Variants in EVL observed in about 807,000 individuals in gnomAD.
The protein encoded by EVL is ena/VASP-like protein.
EVL carries 21 observed loss-of-function variants against 59.6 expected under a neutral mutation model. The ratio of observed to expected loss-of-function variants is 0.35; its 90% confidence interval spans 0.25 to 0.51. The LOEUF is 0.51. EVL is among the 20% of genes least tolerant of loss of function. The pLI, the probability that EVL is intolerant of heterozygous loss-of-function variation, is 0.97. For synonymous variants in EVL, 198 were observed against 203.5 expected (o/e 0.97, Z 0.23); for missense variants, 462 against 546.6 (o/e 0.85, Z 1.54).
At position 100,129,544 on chromosome 14, in the gene EVL, C is replaced by T. The variant is rs758331510; in HGVS notation, c.718-19C>T. 10 of 1,612,634 alleles carry T rather than the reference C, an allele frequency of 6.2e-6. No homozygotes were observed. Among genetic ancestry groups the T allele is most frequent in the South Asian group, 3.3e-5 (3 of 91,000 alleles). ...GCCATCAGCAGCAGAATCTAAAACG[C>T]GGCCTCCTTTTTCCTCAGCCAGAAG... On this transcript the variant is annotated intron_variant, in intron 6 of 13. Coordinates refer to ENST00000392920, the MANE Select transcript of EVL (RefSeq NM_016337.3).
chr14:100,074,033 A>G (rs1023568188), intron 1 of EVL, among the ~76,000 whole-genome samples: 41 of 151,950 alleles, frequency 2.7e-4, no homozygotes, highest in African/African-American at 9.7e-4. Context: ...GTCGGGGAGC[A>G]GTGTGAGTAG....
At chr14:100,096,067 G>T (rs1425934517) in intron 2 of EVL, among the ~76,000 whole-genome samples, 1 of 152,086 alleles carries the variant, frequency 6.6e-6, no homozygotes, top group Non-Finnish European at 1.5e-5. Context: ...TACTGTGTGT[G>T]TGTCCCCTCT....
chr14:100,143,632 G>A (rs1040134560), intron 13 of EVL, 69 bp from the exon 14 acceptor site: 54 of 1,593,300 alleles, frequency 3.4e-5, no homozygotes, highest in East Asian at 1.3e-4. Context: ...CCAGGGGTGC[G>A]GGGCCCTGAT....
At chr14:100,135,792 A>G (rs1260677720) in intron 8 of EVL, 113 bp from the exon 9 acceptor site, 1 of 905,232 alleles carries the variant, frequency 1.1e-6, no homozygotes, top group Non-Finnish European at 1.8e-6. Flanking sequence ...TATAAAAGTC[A>G]TATGTGTTCA....
At chr14:100,120,289 GC>G (rs1354124606) in intron 3 of EVL, among the ~76,000 whole-genome samples, 2 of 152,174 alleles carry the variant, frequency 1.3e-5, no homozygotes, top group Non-Finnish European at 2.9e-5. Flanking sequence ...GTGAGCTTGA[GC>G]CCCCTCTCCC....
intron 1 of EVL, among the ~76,000 whole-genome samples, chr14:100,033,981 T>A (rs2061350829): frequency 6.6e-6 from 1 of 151,698 alleles, no homozygotes; most frequent in East Asian, 1.9e-4. Flanking sequence ...ATCCCAGAAC[T>A]TCAGGAGGCC....
chr14:100,003,415 A>T (rs904126642), intron 1 of EVL, among the ~76,000 whole-genome samples: 13 of 151,920 alleles, frequency 8.6e-5, no homozygotes, highest in African/African-American at 3.1e-4. Context: ...ATTATTTTTT[A>T]TTTTTATTTT....
At chr14:100,062,137 C>T (rs1211131272), upstream of EVL, among the ~76,000 whole-genome samples, 1 of 150,014 alleles carries the variant, frequency 6.7e-6, no homozygotes, top group African/African-American at 2.5e-5. Flanking sequence ...GACCACATCT[C>T]AAAAAAAGAA....
rs762378972 is a variant in EVL, at chr14:100,128,786, G to C, written c.717+38G>C. On this transcript the variant is annotated intron_variant, in intron 6 of 13. Transcript: ENST00000392920. ...GTGTGCGGGGTGGGAATGGGACCGA[G>C]GGGACCCTTGTGCCATCTGCAGAGC... 1.7e-5 allele frequency: 26 copies of C among 1,559,500 alleles called. No individual in the cohort carries two copies. In the East Asian group the frequency reaches 4.0e-4, roughly 24 times the overall value.
chr14:100,061,937 G>GCTGT (rs2061841943), upstream of EVL, among the ~76,000 whole-genome samples: 2 of 152,106 alleles, frequency 1.3e-5, no homozygotes, highest in East Asian at 3.9e-4. Context: ...GGTTGGTCTT[G>GCTGT]CTGTCTCGGG....
At chr14:100,028,216 G>A (rs967581843) in intron 1 of EVL, among the ~76,000 whole-genome samples, 2 of 148,100 alleles carry the variant, frequency 1.4e-5, no homozygotes, top group African/African-American at 5.0e-5. Context: ...CTCACCAGCA[G>A]TGTACAAGGG....
chr14:100,129,508 G>C, intron 6 of EVL, 55 bp from the exon 7 acceptor site: 1 of 1,608,810 alleles, frequency 6.2e-7, no homozygotes, highest in Non-Finnish European at 8.5e-7. Flanking sequence ...CATCGTTGCT[G>C]CTCCTGTTCT....
At chr14:100,059,131 A>G (rs188539847) in intron 1 of EVL, among the ~76,000 whole-genome samples, 51 of 150,110 alleles carry the variant, frequency 3.4e-4, no homozygotes, top group Admixed American at 1.4e-3. Flanking sequence ...TCTCTTGACA[A>G]AAGCAACTAT....
intron 8 of EVL, 68 bp from the exon 9 acceptor site, chr14:100,135,837 T>G: frequency 7.4e-7 from 1 of 1,357,818 alleles, no homozygotes; most frequent in African/African-American, 1.4e-5. Context: ...TTTTATGAAG[T>G]GTCCAATGAT....
rs1336845046 is a variant in EVL, at chr14:100,044,125, T to C, written c.6-40562T>C. On this transcript the variant is annotated intron_variant, in intron 1 of 13. Transcript: ENST00000402714. Reference sequence around the variant, plus strand: ...CTAGGTATTCCTTAATCCGGTCAAGTTGACATCTAAAATTATCGATCACAT... The same window carrying C: ...CTAGGTATTCCTTAATCCGGTCAAGCTGACATCTAAAATTATCGATCACAT... Among the ~76,000 whole-genome samples the C allele has an allele frequency of 4.6e-5, 7 of 152,210 alleles. No individual in the cohort carries two copies. The East Asian group carries it at 1.2e-3, about 25-fold the overall frequency.
rs761620896 is a variant in EVL, at chr14:100,123,571, C to T, written c.391C>T (p.Pro131Ser). 3 of 1,614,104 alleles carry T rather than the reference C, an allele frequency of 1.9e-6. No individual in the cohort carries two copies. In the South Asian group the frequency reaches 3.3e-5, roughly 18 times the overall value. ...PSSQRQVQNG[P>S]SPDEMDIQRR... ...CAGCCAGCGTCAGGTGCAGAATGGC[C>T]CCTCTCCTGATGAGATGGACATCCA... Residue 131 changes from proline to serine, a missense_variant, in exon 4 of 14, where the codon CCC (proline) becomes TCC (serine). By Grantham distance (74) the Pro-to-Ser change is moderately conservative (BLOSUM62 -1). Transcript: ENST00000392920.
chr14:100,088,383 C>T (rs2062492373), intron 2 of EVL, among the ~76,000 whole-genome samples: 2 of 152,170 alleles, frequency 1.3e-5, no homozygotes, highest in South Asian at 4.1e-4. Flanking sequence ...CAGTCATGCA[C>T]CTCTTAATGA....
chr14:100,065,482 G>T lies in EVL; in HGVS notation c.-19G>T. On this transcript the variant is annotated 5_prime_UTR_variant, in exon 1 of 14. Coordinates refer to ENST00000392920, the MANE Select transcript of EVL (RefSeq NM_016337.3). ...AGGACTCGCCTCCTCAGGGTTCCCT[G>T]TGCTGCCACTTTTCAGCCATGGCCA... 6.6e-7 allele frequency: 1 copy of T among 1,512,364 alleles called. No homozygotes were observed. The highest frequency in any genetic ancestry group is 8.9e-7 in the Non-Finnish European group (1 of 1,118,376). 93.7% of individuals were successfully genotyped at this position (1,512,364 alleles called of 1,614,324 possible).
At chr14:100,095,097 C>G (rs1195560668) in intron 2 of EVL, among the ~76,000 whole-genome samples, 1 of 150,982 alleles carries the variant, frequency 6.6e-6, no homozygotes, top group African/African-American at 2.5e-5. Flanking sequence ...TGTTTTAAAT[C>G]AAGTCAAATC....
Sources: gnomAD v4.1 joint callset for allele counts (sites outside exome capture counted in the v4.1 genomes callset) on GRCh38, gnomAD v4.1.1 for gene constraint, MANE v1.5 for transcripts, NCBI Gene and HGNC (gene_info 2026-07-23, HGNC 2026-07-21) for gene names.